ZNF827: variants seen among roughly 807,000 people sequenced by gnomAD.
ZNF827 encodes the protein zinc finger protein 827.
Under a neutral mutation model 102.4 loss-of-function variants are expected in ZNF827, and 13 were observed. That is an observed-to-expected ratio of 0.13 (90% CI 0.08 to 0.20). The LOEUF (loss-of-function observed/expected upper bound fraction) is 0.20. Among genes scored for constraint, ZNF827 ranks in the 10% least tolerant of loss-of-function variants. The probability of loss-of-function intolerance (pLI) is 1.00; values close to 1 mark genes in which losing one functional copy is unlikely to be tolerated. For missense variants in ZNF827, 1,103 were observed against 1,344.4 expected (o/e 0.82, Z 2.81); for synonymous variants, 523 against 536.2 (o/e 0.98, Z 0.34).
At chr4:145,900,100 TCACTG>T (rs1751298254) in intron 2 of ZNF827, among the ~76,000 whole-genome samples, 1 of 152,242 alleles carries the variant, frequency 6.6e-6, no homozygotes, top group Non-Finnish European at 1.5e-5. Flanking sequence ...AGTCTACCAT[TCACTG>T]GAAGCTCATG....
chr4:145,759,241 TA>T lies in ZNF827; in HGVS notation c.*2374del, dbSNP rs1734201257. 1 of 152,244 alleles carries T rather than the reference TA, an allele frequency of 6.6e-6. No homozygotes were observed. Among genetic ancestry groups the T allele is most frequent in the Non-Finnish European group, 1.5e-5 (1 of 68,048 alleles). The allele number at this position is 152,244 out of a possible 1,614,324, so 9.4% of individuals were successfully genotyped here. On this transcript the variant is annotated 3_prime_UTR_variant, in exon 15 of 15. Transcript: ENST00000508784. ...TTTCATACTGGAAATTCTGTTGTTT[TA>T]AAAATACAAGCAATGAACATATTCA...
intron 1 of ZNF827, among the ~76,000 whole-genome samples, chr4:145,908,868 C>T (rs1352988092): frequency 6.6e-6 from 1 of 152,046 alleles, no homozygotes; most frequent in African/African-American, 2.4e-5. Context: ...TGTGTAAGCA[C>T]AAAAGAGGGA....
At chr4:145,857,869 A>T (rs1579394050) in intron 5 of ZNF827, among the ~76,000 whole-genome samples, 1 of 152,268 alleles carries the variant, frequency 6.6e-6, no homozygotes, top group Non-Finnish European at 1.5e-5. Context: ...ATTTGGTAAC[A>T]TTCCAAATGA....
chr4:145,876,333 C>A, intron 4 of ZNF827, among the ~76,000 whole-genome samples: 1 of 152,178 alleles, frequency 6.6e-6, no homozygotes, highest in Admixed American at 6.5e-5. Flanking sequence ...GCACTAGTAG[C>A]CAGGAGTACT....
Position 145,923,096 on chromosome 4 carries a change from A to T in ZNF827, c.43+15269T>A, listed in dbSNP as rs1235665400. 2.6e-5 allele frequency among the ~76,000 whole-genome samples: 4 copies of T among 152,354 alleles called. No individual in the cohort carries two copies. The East Asian group carries it at 7.7e-4, about 29-fold the overall frequency. ...CAAGATGTTCTATGCACATTGATCC[A>T]TTCAAAGCACAAGAGAGACCAGTAG... On this transcript the variant is annotated intron_variant, in intron 1 of 14. Coordinates refer to ENST00000508784, the MANE Select transcript of ZNF827 (RefSeq NM_001306215.2).
At chr4:145,935,349 C>T (rs1175609318) in intron 1 of ZNF827, among the ~76,000 whole-genome samples, 1 of 152,194 alleles carries the variant, frequency 6.6e-6, no homozygotes, top group Non-Finnish European at 1.5e-5. Context: ...ATAATTACTA[C>T]TTCACACCAC....
At chr4:145,897,917 G>A (rs1175204371) in intron 2 of ZNF827, among the ~76,000 whole-genome samples, 1 of 152,166 alleles carries the variant, frequency 6.6e-6, no homozygotes, top group Non-Finnish European at 1.5e-5. Context: ...CACTTTGGGG[G>A]CCTGAGTAGG....
intron 9 of ZNF827, 84 bp from the exon 10 acceptor site, chr4:145,776,044 CA>C: frequency 6.7e-7 from 1 of 1,489,916 alleles, no homozygotes; most frequent in African/African-American, 1.4e-5. Flanking sequence ...TTAAAGGTAT[CA>C]AGGAAAGAAT....
chr4:145,906,028 C>G (rs1243434909), intron 1 of ZNF827, among the ~76,000 whole-genome samples: 7 of 152,186 alleles, frequency 4.6e-5, no homozygotes, highest in Non-Finnish European at 8.8e-5. Flanking sequence ...TTGAGAACCA[C>G]AAGAAGTTAC....
intron 9 of ZNF827, among the ~76,000 whole-genome samples, chr4:145,776,551 T>A (rs1428931769): frequency 6.6e-6 from 1 of 151,596 alleles, no homozygotes; most frequent in African/African-American, 2.4e-5. Flanking sequence ...ATTTTCCTGA[T>A]AAGGTAAGCC....
chr4:145,773,786 G>A (rs1024747528), intron 11 of ZNF827, among the ~76,000 whole-genome samples: 4 of 152,138 alleles, frequency 2.6e-5, no homozygotes, highest in African/African-American at 7.2e-5. Flanking sequence ...TTCTTTGGCC[G>A]CGAACACACA....
intron 1 of ZNF827, among the ~76,000 whole-genome samples, chr4:145,915,609 C>A (rs1015985121): frequency 6.6e-6 from 1 of 152,176 alleles, no homozygotes; most frequent in Non-Finnish European, 1.5e-5. Context: ...TTCTGGGGGA[C>A]ACACTCAAAC....
chr4:145,779,535 A>G, intron 8 of ZNF827, 24 bp from the exon 9 acceptor site: 1 of 1,609,942 alleles, frequency 6.2e-7, no homozygotes, highest in South Asian at 1.1e-5. Flanking sequence ...ACAAAGCATC[A>G]TGAGAAATAA....
At chr4:145,921,771 A>T (rs1434956875) in intron 1 of ZNF827, among the ~76,000 whole-genome samples, 1 of 152,152 alleles carries the variant, frequency 6.6e-6, no homozygotes, top group Non-Finnish European at 1.5e-5. Context: ...ATTCCCCAAG[A>T]CTGGAAATCT....
In ZNF827 at chr4:145,757,807, CCTT is replaced by C. The variant is rs1397316182; in HGVS notation, c.*3806_*3808del. 6.6e-6 allele frequency: 1 copy of C among 151,710 alleles called. No homozygotes were observed. Among genetic ancestry groups the C allele is most frequent in the East Asian group, 1.9e-4 (1 of 5,188 alleles). 9.4% of individuals were successfully genotyped at this position (151,710 alleles called of 1,614,324 possible). The stretch of plus-strand genomic sequence containing the variant: ...ACAAATTTTCAGTAATGTACACAAA[CCTT>C]GACAGTATGATCATCTGAACATAAT... On this transcript the variant is annotated 3_prime_UTR_variant, in exon 15 of 15. Transcript: ENST00000508784.
chr4:145,898,109 C>T (rs939597676), intron 2 of ZNF827, among the ~76,000 whole-genome samples: 5 of 152,140 alleles, frequency 3.3e-5, no homozygotes, highest in African/African-American at 9.7e-5. Context: ...GAGCCGAGAT[C>T]GCACCACCGC....
chr4:145,928,235 C>T (rs748079708), intron 1 of ZNF827, among the ~76,000 whole-genome samples: 7 of 152,148 alleles, frequency 4.6e-5, no homozygotes, highest in Non-Finnish European at 8.8e-5. Flanking sequence ...GTCCTCAACT[C>T]GGGATTAAGC....
At chr4:145,873,245 T>G (rs1232224924) in intron 4 of ZNF827, among the ~76,000 whole-genome samples, 2 of 152,196 alleles carry the variant, frequency 1.3e-5, no homozygotes, top group African/African-American at 4.8e-5. Context: ...CAACAATTTT[T>G]GTTTTAACAC....
intron 1 of ZNF827, among the ~76,000 whole-genome samples, chr4:145,928,905 G>A (rs559906387): frequency 1.2e-4 from 18 of 152,306 alleles, no homozygotes; most frequent in African/African-American, 3.6e-4. Context: ...GCAGACTGAC[G>A]AGCACATGCC....
Sources: allele counts gnomAD v4.1 joint callset (sites outside exome capture counted in the v4.1 genomes callset), GRCh38; gene constraint gnomAD v4.1.1; transcripts MANE v1.5; gene names NCBI Gene and HGNC (gene_info 2026-07-23, HGNC 2026-07-21).